Variants in PPP1R42 observed in about 807,000 individuals in gnomAD.
PPP1R42 encodes protein phosphatase 1 regulatory subunit 42.
In PPP1R42, 34 loss-of-function variants were observed where a neutral mutation model predicts 31.0. The observed-to-expected ratio is 1.10, with a 90% CI of 0.83 to 1.46. The LOEUF (loss-of-function observed/expected upper bound fraction) is 1.46, where lower values mean the gene tolerates loss of function less well. PPP1R42 is among the 40% of genes most tolerant of loss of function. The pLI is 0.00. For missense variants in PPP1R42, 268 were observed against 303.0 expected (o/e 0.88, Z 0.86); for synonymous variants, 103 against 109.8 (o/e 0.94, Z 0.39).
intron 5 of PPP1R42, among the ~76,000 whole-genome samples, chr8:67,005,752 T>C (rs989212541): frequency 1.3e-5 from 2 of 152,074 alleles, no homozygotes; most frequent in African/African-American, 4.8e-5. Context: ...TAAGCAACCA[T>C]CTTCTCTTAT....
intron 7 of PPP1R42, among the ~76,000 whole-genome samples, chr8:66,975,564 T>G (rs1814645668): frequency 6.6e-6 from 1 of 152,110 alleles, no homozygotes; most frequent in Non-Finnish European, 1.5e-5. Context: ...GAGAATTGCT[T>G]GAACCTGGGA....
intron 5 of PPP1R42, among the ~76,000 whole-genome samples, chr8:66,994,138 C>A (rs775121045): frequency 6.6e-6 from 1 of 151,874 alleles, no homozygotes; most frequent in South Asian, 2.1e-4. Flanking sequence ...GGTAAGGAGT[C>A]CTTGGCAGTT....
At chr8:67,005,751 A>G (rs1357727461) in intron 5 of PPP1R42, among the ~76,000 whole-genome samples, 1 of 151,942 alleles carries the variant, frequency 6.6e-6, no homozygotes, top group South Asian at 2.1e-4. Flanking sequence ...CTAAGCAACC[A>G]TCTTCTCTTA....
At chr8:66,985,974 C>T in intron 6 of PPP1R42, 1 of 746,660 alleles carries the variant, frequency 1.3e-6, no homozygotes, top group South Asian at 1.4e-5. Context: ...TTTTCTGCTT[C>T]CGTCACTGCT....
intron 7 of PPP1R42, 65 bp from the exon 8 acceptor site, chr8:66,964,399 G>T: frequency 1.2e-6 from 1 of 803,538 alleles, no homozygotes; most frequent in Non-Finnish European, 1.7e-6. Context: ...CTAAAAGGTA[G>T]CAAACATACA....
At chr8:66,974,197 C>T (rs1414838805) in intron 7 of PPP1R42, among the ~76,000 whole-genome samples, 2 of 152,156 alleles carry the variant, frequency 1.3e-5, no homozygotes, top group Admixed American at 1.3e-4. Context: ...ATTTTACATT[C>T]CCACCAATGG....
intron 6 of PPP1R42, chr8:66,985,625 T>A: frequency 7.3e-7 from 1 of 1,366,880 alleles, no homozygotes; most frequent in Non-Finnish European, 1.0e-6. Context: ...TTCCTTGCCT[T>A]CTCAATGGCA....
intron 7 of PPP1R42, among the ~76,000 whole-genome samples, chr8:66,976,377 T>C (rs535158742): frequency 6.6e-5 from 10 of 152,274 alleles, no homozygotes; most frequent in Middle Eastern, 3.4e-3. Context: ...CCCAAAACAA[T>C]ATCCCCCTCC....
chr8:66,979,579 C>A (rs111563833), intron 7 of PPP1R42, among the ~76,000 whole-genome samples: 19 of 152,216 alleles, frequency 1.2e-4, no homozygotes, highest in African/African-American at 4.1e-4. Flanking sequence ...TTCTACTAGT[C>A]TATGTTTCTG....
chr8:66,990,141 A>G (rs962825304), intron 5 of PPP1R42, among the ~76,000 whole-genome samples: 1 of 152,178 alleles, frequency 6.6e-6, no homozygotes, highest in African/African-American at 2.4e-5. Flanking sequence ...GGCAGGGTTT[A>G]ATAGAGCCGT....
chr8:66,985,153 G>A, intron 6 of PPP1R42: 1 of 1,148,244 alleles, frequency 8.7e-7, no homozygotes, highest in Non-Finnish European at 1.3e-6. Context: ...TTTTTGAGCT[G>A]CTTGTGAAAT....
At chr8:67,008,759 C>T (rs924957191) in intron 5 of PPP1R42, among the ~76,000 whole-genome samples, 2 of 149,666 alleles carry the variant, frequency 1.3e-5, no homozygotes, top group African/African-American at 4.9e-5. Context: ...GAATAATAAG[C>T]AACAATGAAG....
At chr8:67,012,149 T>C (rs1815860753) in intron 4 of PPP1R42, among the ~76,000 whole-genome samples, 1 of 152,034 alleles carries the variant, frequency 6.6e-6, no homozygotes, top group Admixed American at 6.6e-5. Flanking sequence ...GGCAGAAGAA[T>C]TGCTTGAACC....
intron 6 of PPP1R42, chr8:66,985,681 A>G (rs1244669347): frequency 5.3e-6 from 7 of 1,319,556 alleles, no homozygotes; most frequent in Middle Eastern, 1.8e-4. Flanking sequence ...AGTGTGGCCA[A>G]TTGGAAGTTG....
At chr8:66,983,608 A>T (rs1483245823) in intron 6 of PPP1R42, among the ~76,000 whole-genome samples, 1 of 152,186 alleles carries the variant, frequency 6.6e-6, no homozygotes, top group South Asian at 2.1e-4. Context: ...GATGCAGTAA[A>T]ATTTATTAGA....
chr8:66,977,609 G>A (rs4513958), intron 7 of PPP1R42, among the ~76,000 whole-genome samples: 89 of 152,108 alleles, frequency 5.9e-4, no homozygotes, highest in Non-Finnish European at 9.3e-4. Context: ...AGGTTCAATC[G>A]ATTCTCCTGT....
intron 7 of PPP1R42, among the ~76,000 whole-genome samples, chr8:66,981,670 C>T (rs901188068): frequency 6.6e-6 from 1 of 152,108 alleles, no homozygotes; most frequent in Non-Finnish European, 1.5e-5. Context: ...TGTGAGCCAC[C>T]GTGCCTGGCC....
At chr8:66,969,336 GT>G (rs1204214301) in intron 7 of PPP1R42, among the ~76,000 whole-genome samples, 1 of 152,184 alleles carries the variant, frequency 6.6e-6, no homozygotes, top group Non-Finnish European at 1.5e-5. Flanking sequence ...TAAGAACACT[GT>G]TGTGGAATTG....
At position 67,012,945 on chromosome 8, in the gene PPP1R42, A is replaced by G; in HGVS notation, c.435+13T>C. ...ACTATATTCCTTGTCAAAATATTCA[A>G]ATGTGAACTTACTGCCAGAGAATGA... On this transcript the variant is annotated intron_variant, in intron 4 of 7. Transcript: ENST00000685739. The G allele has an allele frequency of 6.3e-7, 1 of 1,590,912 alleles. No individual in the cohort carries two copies. Among genetic ancestry groups the G allele is most frequent in the East Asian group, 2.2e-5 (1 of 44,692 alleles).
Sources: allele counts gnomAD v4.1 joint callset (sites outside exome capture counted in the v4.1 genomes callset), GRCh38; gene constraint gnomAD v4.1.1; transcripts MANE v1.5; gene names NCBI Gene and HGNC (gene_info 2026-07-23, HGNC 2026-07-21).